Variants in PIK3R6 observed in about 807,000 individuals in gnomAD.
PIK3R6 encodes phosphoinositide-3-kinase regulatory subunit 6, also known as phosphoinositide 3-kinase regulatory subunit 6.
In PIK3R6, 91 loss-of-function variants were observed where a neutral mutation model predicts 84.9. The observed-to-expected ratio is 1.07, with a 90% confidence interval of 0.90 to 1.28. The LOEUF (loss-of-function observed/expected upper bound fraction) is 1.28. PIK3R6 is among the 50% of genes most tolerant of loss of function. The pLI is 0.00. For synonymous variants in PIK3R6, 416 were observed against 411.4 expected (o/e 1.01, Z -0.13); for missense variants, 996 against 985.1 (o/e 1.01, Z -0.15).
intron 18 of PIK3R6, among the ~76,000 whole-genome samples, chr17:8,816,270 T>C (rs1028768398): frequency 2.6e-5 from 4 of 152,238 alleles, no homozygotes; most frequent in Non-Finnish European, 4.4e-5. Context: ...TAAACAGGCA[T>C]GCCATTTTCA....
At chr17:8,860,231 C>A (rs1406029889) in intron 1 of PIK3R6, among the ~76,000 whole-genome samples, 1 of 152,060 alleles carries the variant, frequency 6.6e-6, no homozygotes, top group Non-Finnish European at 1.5e-5. Flanking sequence ...ACTAGGGACA[C>A]AGCAGCAGGT....
chr17:8,828,423 C>A, intron 11 of PIK3R6, 144 bp downstream of exon 11: 1 of 1,080,824 alleles, frequency 9.3e-7, no homozygotes, highest in Non-Finnish European at 1.3e-6. Context: ...CGGCTGCGGG[C>A]ACTGTGCGGC....
At chr17:8,852,538 G>A (rs1361226764) in intron 1 of PIK3R6, among the ~76,000 whole-genome samples, 1 of 152,102 alleles carries the variant, frequency 6.6e-6, no homozygotes, top group Non-Finnish European at 1.5e-5. Flanking sequence ...AAGAGTTCGA[G>A]ACCAGCCTGA....
At chr17:8,858,856 AG>A (rs2089206041) in intron 1 of PIK3R6, among the ~76,000 whole-genome samples, 1 of 152,200 alleles carries the variant, frequency 6.6e-6, no homozygotes, top group Non-Finnish European at 1.5e-5. Flanking sequence ...TTACTCAGGC[AG>A]GGAGGGTGAG....
rs117619913 is a variant in PIK3R6, at chr17:8,840,142, T to C, written c.14-445A>G. Among the ~76,000 whole-genome samples the C allele has an allele frequency of 8.7e-4, 106 of 122,500 alleles. 1 individual carries two copies. The highest frequency in any genetic ancestry group is 3.3e-3 in the African/African-American group (100 of 30,694). 80.4% of individuals were successfully genotyped at this position (122,500 alleles called of 152,430 possible). The stretch of plus-strand genomic sequence containing the variant: ...CCTCCAAATATATATGAAATATATA[T>C]AGCCTCCAAATATATATATGAAATA... On this transcript the variant is annotated intron_variant, in intron 2 of 19. Coordinates refer to ENST00000619866, the MANE Select transcript of PIK3R6 (RefSeq NM_001010855.4).
At chr17:8,845,811 A>G (rs1195057769) in intron 2 of PIK3R6, among the ~76,000 whole-genome samples, 4 of 152,098 alleles carry the variant, frequency 2.6e-5, no homozygotes, top group Non-Finnish European at 4.4e-5. Flanking sequence ...GCTAGGCGTA[A>G]TGATGATCCC....
chr17:8,832,028 G>T (rs760193727), intron 9 of PIK3R6, among the ~76,000 whole-genome samples: 2 of 152,176 alleles, frequency 1.3e-5, no homozygotes, highest in Non-Finnish European at 2.9e-5. Context: ...AGATATAAAC[G>T]ATGTTGACTC....
In PIK3R6 at chr17:8,805,343, T is replaced by TA. The variant is rs536206270; in HGVS notation, c.1996-1191dup. On this transcript the variant is annotated intron_variant, in intron 18 of 19. Coordinates refer to ENST00000619866, the MANE Select transcript of PIK3R6 (RefSeq NM_001010855.4). ...CACTGTTAAGAACTCTTATTAATTATAATTTTCCAAGAAGGAGCCAAGCAT... is the reference window on the plus strand; with the variant it reads ...CACTGTTAAGAACTCTTATTAATTATAAATTTTCCAAGAAGGAGCCAAGCAT... Among the ~76,000 whole-genome samples the TA allele has an allele frequency of 2.4e-3, 366 of 152,280 alleles. 2 individuals are homozygous for TA. In the Middle Eastern group the frequency reaches 0.051, roughly 21 times the overall value.
chr17:8,803,114 G>A lies in PIK3R6; in HGVS notation c.*159C>T, dbSNP rs2087087725. 1 of 865,324 alleles carries A rather than the reference G, an allele frequency of 1.2e-6. No individual in the cohort carries two copies. Among genetic ancestry groups the A allele is most frequent in the East Asian group, 2.7e-5 (1 of 36,942 alleles). The allele number at this position is 865,324 out of a possible 1,614,324, so 53.6% of individuals were successfully genotyped here. A position where few individuals can be genotyped will look rare whatever the true frequency, so the allele number is the denominator to read the frequency against. ...TCCATGTGGGCCCTTCCTCATCACA[G>A]TCCCCAGGGTAGGCTCCCTGTGCTC... On this transcript the variant is annotated 3_prime_UTR_variant, in exon 20 of 20. Coordinates refer to ENST00000619866, the MANE Select transcript of PIK3R6 (RefSeq NM_001010855.4). This position sits in a 1 kb window ranked among gnomAD's most constrained non-coding sequence, Gnocchi z 5.0.
chr17:8,827,382 G>C, intron 12 of PIK3R6, 88 bp from the exon 13 acceptor site: 1 of 1,436,710 alleles, frequency 7.0e-7, no homozygotes, highest in Non-Finnish European at 9.3e-7. Context: ...TGTGAATATG[G>C]TCAAGTCATT....
At chr17:8,827,738 AAGGGGAGAGAGAGAGAGAG>A (rs1567583416) in intron 12 of PIK3R6, among the ~76,000 whole-genome samples, 3 of 66,144 alleles carry the variant, frequency 4.5e-5, no homozygotes, top group Admixed American at 2.1e-4. Context: ...GAGGGGAGGG[AAGGGGAGAGAGAGAGAGAG>A]AGAGAGGAGA....
intron 12 of PIK3R6, among the ~76,000 whole-genome samples, chr17:8,827,766 G>GAGAGAGAT (rs1567583734): frequency 1.8e-5 from 1 of 56,398 alleles, no homozygotes; most frequent in Admixed American, 1.6e-4. Context: ...AGAGAGAGGA[G>GAGAGAGAT]AGAGAGAGAG....
At chr17:8,835,834 G>A (rs1264955744) in intron 7 of PIK3R6, among the ~76,000 whole-genome samples, 1 of 152,124 alleles carries the variant, frequency 6.6e-6, no homozygotes, top group East Asian at 1.9e-4. Context: ...TGAACTCTGA[G>A]TGAATCTCAC....
Position 8,867,640 on chromosome 17 carries a change from G to T in PIK3R6, c.-203C>A, listed in dbSNP as rs1029287835. ...AGATGTCTTGGGGGAGCCTCCACGG[G>T]TGTCTGTGGTCTTGACTGTGCTCTT... On this transcript the variant is annotated 5_prime_UTR_variant, in exon 1 of 20. Transcript: ENST00000619866. 1 of 491,628 alleles carries T rather than the reference G, an allele frequency of 2.0e-6. No homozygotes were observed. The highest frequency in any genetic ancestry group is 4.1e-6 in the Non-Finnish European group (1 of 243,008). 30.5% of individuals were successfully genotyped at this position (491,628 alleles called of 1,614,324 possible).
intron 18 of PIK3R6, among the ~76,000 whole-genome samples, chr17:8,805,055 C>T (rs77220019): frequency 6.6e-6 from 1 of 152,128 alleles, no homozygotes; most frequent in African/African-American, 2.4e-5. Flanking sequence ...TAGGAGTTCA[C>T]ACGTGTCCAG....
chr17:8,821,779 C>G, intron 17 of PIK3R6, 67 bp downstream of exon 17: 2 of 1,472,466 alleles, frequency 1.4e-6, no homozygotes, highest in Non-Finnish European at 1.9e-6. Flanking sequence ...TGCCACTCTG[C>G]CCTCTCCCCA....
chr17:8,813,467 T>G (rs921185654), intron 18 of PIK3R6, among the ~76,000 whole-genome samples: 4 of 152,086 alleles, frequency 2.6e-5, no homozygotes, highest in African/African-American at 7.2e-5. Context: ...AAAAAAACTA[T>G]AGACCAATAT....
intron 1 of PIK3R6, among the ~76,000 whole-genome samples, chr17:8,864,526 G>C (rs1044189647): frequency 1.5e-5 from 2 of 130,744 alleles, no homozygotes; most frequent in African/African-American, 3.0e-5. Flanking sequence ...GTCCTTCACA[G>C]CTCTTTTTTT....
intron 18 of PIK3R6, among the ~76,000 whole-genome samples, chr17:8,808,397 G>A (rs1311643797): frequency 1.3e-5 from 2 of 151,862 alleles, no homozygotes; most frequent in Non-Finnish European, 2.9e-5. Flanking sequence ...TATCCTTGGG[G>A]GTCCCGGAAA....
Sources: allele counts gnomAD v4.1 joint callset (sites outside exome capture counted in the v4.1 genomes callset), GRCh38; gene constraint gnomAD v4.1.1; non-coding constraint Gnocchi (gnomAD v3.1); transcripts MANE v1.5; gene names NCBI Gene and HGNC (gene_info 2026-07-23, HGNC 2026-07-21).